The following PLXDC2 variants were observed in gnomAD, a reference collection of about 807,000 sequenced individuals.
The protein encoded by PLXDC2 is plexin domain containing 2, also known as plexin domain-containing protein 2.
Under a neutral mutation model 68.9 loss-of-function variants are expected in PLXDC2, and 40 were observed. That is an observed-to-expected ratio of 0.58 (90% CI 0.45 to 0.76). PLXDC2 has a LOEUF of 0.76. PLXDC2 is among the 30% of genes least tolerant of loss of function. PLXDC2 has a pLI of 0.00. For synonymous variants in PLXDC2, 243 were observed against 234.2 expected (o/e 1.04, Z -0.34); for missense variants, 644 against 661.9 (o/e 0.97, Z 0.30).
intron 1 of PLXDC2, among the ~76,000 whole-genome samples, chr10:19,821,100 TA>T (rs1265164006): frequency 6.6e-6 from 1 of 152,104 alleles, no homozygotes; most frequent in Non-Finnish European, 1.5e-5. Context: ...AAAATAAAAA[TA>T]AGTAAACAAA....
chr10:20,082,071 A>AAAAAACG (rs1836575720), intron 4 of PLXDC2, among the ~76,000 whole-genome samples: 2 of 126,824 alleles, frequency 1.6e-5, no homozygotes, highest in Non-Finnish European at 3.5e-5. Context: ...AATCAAAAAA[A>AAAAAACG]AAAAACAGGA....
At chr10:20,245,095 C>G (rs537884796) in intron 12 of PLXDC2, among the ~76,000 whole-genome samples, 2 of 152,306 alleles carry the variant, frequency 1.3e-5, no homozygotes, top group African/African-American at 4.8e-5. Flanking sequence ...GCCTGGGCAA[C>G]AAGAGCAAAA....
At chr10:20,066,940 A>G (rs1183725684) in intron 3 of PLXDC2, among the ~76,000 whole-genome samples, 1 of 152,134 alleles carries the variant, frequency 6.6e-6, no homozygotes, top group African/African-American at 2.4e-5. Context: ...TCAACCAGCT[A>G]ATTACTTTCC....
At chr10:20,029,966 T>C (rs564021798) in intron 2 of PLXDC2, among the ~76,000 whole-genome samples, 2 of 152,352 alleles carry the variant, frequency 1.3e-5, no homozygotes, top group East Asian at 3.9e-4. Context: ...ATTTATCATT[T>C]GAATTTGGCT....
intron 13 of PLXDC2, among the ~76,000 whole-genome samples, chr10:20,259,082 A>G (rs1835779520): frequency 6.6e-6 from 1 of 152,128 alleles, no homozygotes; most frequent in African/African-American, 2.4e-5. Context: ...AGAGGAAGCT[A>G]CAACCACTTA....
intron 2 of PLXDC2, among the ~76,000 whole-genome samples, chr10:20,011,281 T>G (rs1835110208): frequency 6.6e-6 from 1 of 152,042 alleles, no homozygotes; most frequent in Non-Finnish European, 1.5e-5. Flanking sequence ...TGGTGGCTCA[T>G]GGAGAGGTGT....
intron 1 of PLXDC2, among the ~76,000 whole-genome samples, chr10:19,822,172 A>C (rs1337178706): frequency 2.7e-5 from 4 of 149,782 alleles, no homozygotes; most frequent in Non-Finnish European, 5.9e-5. Flanking sequence ...ATGTATATAC[A>C]CTATATATGC....
At chr10:20,043,477 A>G (rs1835719704) in intron 2 of PLXDC2, 1 of 152,166 alleles carries the variant, frequency 6.6e-6, no homozygotes, top group Non-Finnish European at 1.5e-5. Context: ...CTCTTTCTTA[A>G]CTAATCACAG....
intron 9 of PLXDC2, among the ~76,000 whole-genome samples, chr10:20,185,339 A>C (rs1225280111): frequency 1.3e-5 from 2 of 151,840 alleles, no homozygotes; most frequent in African/African-American, 4.8e-5. Context: ...TGTCATACCA[A>C]GGGAATTCCT....
intron 2 of PLXDC2, among the ~76,000 whole-genome samples, chr10:20,026,812 TATAATATATTCTAATATATA>T (rs1835412604): frequency 2.1e-5 from 3 of 139,962 alleles, no homozygotes; most frequent in African/African-American, 7.9e-5. Context: ...AATATACCTT[TATAATATATTCTAATATATA>T]GAATATACTT....
chr10:20,136,569 G>C (rs551869424), intron 4 of PLXDC2, among the ~76,000 whole-genome samples: 8 of 152,228 alleles, frequency 5.3e-5, no homozygotes, highest in Admixed American at 4.6e-4. Context: ...ATATATATAA[G>C]GTTAGTGAGA....
chr10:20,091,024 G>A (rs1210457986), intron 4 of PLXDC2, among the ~76,000 whole-genome samples: 1 of 152,168 alleles, frequency 6.6e-6, no homozygotes, highest in Non-Finnish European at 1.5e-5. Context: ...CACACAGGAT[G>A]AATGTAGCTT....
chr10:20,048,321 G>A (rs75899811), intron 3 of PLXDC2, among the ~76,000 whole-genome samples: 2,750 of 151,944 alleles, frequency 0.018, 47 homozygotes, highest in African/African-American at 0.043. Flanking sequence ...TGCTTTCTGC[G>A]TCTGAGAAGC....
At chr10:19,890,612 T>C (rs1177605235) in intron 1 of PLXDC2, among the ~76,000 whole-genome samples, 1 of 147,698 alleles carries the variant, frequency 6.8e-6, no homozygotes, top group Non-Finnish European at 1.5e-5. Context: ...CCTGACCTCG[T>C]GATCCACCCG....
chr10:19,952,603 C>G (rs542385907), intron 1 of PLXDC2, among the ~76,000 whole-genome samples: 1 of 152,334 alleles, frequency 6.6e-6, no homozygotes, highest in South Asian at 2.1e-4. Context: ...TTATTCAGAG[C>G]ATTGCCTCCA....
intron 1 of PLXDC2, among the ~76,000 whole-genome samples, chr10:19,915,675 G>T (rs1241299182): frequency 6.6e-6 from 1 of 151,894 alleles, no homozygotes; most frequent in African/African-American, 2.4e-5. Context: ...TCCATCTTGA[G>T]GTCCCTAGAA....
At chr10:19,985,361 A>G (rs1044104707) in intron 1 of PLXDC2, among the ~76,000 whole-genome samples, 2 of 152,236 alleles carry the variant, frequency 1.3e-5, no homozygotes, top group East Asian at 1.9e-4. Flanking sequence ...TTGCTCTTCC[A>G]TGCCACACCT....
chr10:20,255,991 T>G (rs2119356567), intron 13 of PLXDC2, among the ~76,000 whole-genome samples: 1 of 152,290 alleles, frequency 6.6e-6, no homozygotes, highest in Non-Finnish European at 1.5e-5. Flanking sequence ...AGAATTATTC[T>G]ATGTCTATAC....
intron 12 of PLXDC2, among the ~76,000 whole-genome samples, chr10:20,239,050 ACT>A (rs1232530950): frequency 6.6e-6 from 1 of 151,794 alleles, no homozygotes; most frequent in Non-Finnish European, 1.5e-5. Context: ...GCTTGGAGAG[ACT>A]CTATTTTATG....
Sources: allele counts gnomAD v4.1 joint callset (sites outside exome capture counted in the v4.1 genomes callset), GRCh38; gene constraint gnomAD v4.1.1; transcripts MANE v1.5; gene names NCBI Gene and HGNC (gene_info 2026-07-23, HGNC 2026-07-21).